NELL1: variants seen among roughly 807,000 people sequenced by gnomAD.
NELL1 encodes protein kinase C-binding protein NELL1.
In NELL1, 76 loss-of-function variants were observed where a neutral mutation model predicts 107.4. The ratio of observed to expected loss-of-function variants is 0.71; its 90% confidence interval spans 0.59 to 0.86. The LOEUF (loss-of-function observed/expected upper bound fraction) is 0.86. Ranked by LOEUF, NELL1 falls within the 40% of genes least tolerant of loss-of-function variation. The probability of loss-of-function intolerance (pLI) is 0.00; values close to 1 mark genes in which losing one functional copy is unlikely to be tolerated. For missense variants in NELL1, 1,024 were observed against 1,005.5 expected (o/e 1.02, Z -0.25); for synonymous variants, 353 against 341.2 (o/e 1.03, Z -0.38).
At chr11:21,490,262 C>A (rs188291664) in intron 15 of NELL1, among the ~76,000 whole-genome samples, 1 of 151,574 alleles carries the variant, frequency 6.6e-6, no homozygotes, top group Admixed American at 6.6e-5. Flanking sequence ...AGGAAAACTG[C>A]GAAACACTGA....
intron 13 of NELL1, among the ~76,000 whole-genome samples, chr11:21,202,532 C>A (rs112447817): frequency 0.08 from 12,158 of 152,074 alleles, 780 homozygotes; most frequent in East Asian, 0.27. Context: ...CTTTATTAGT[C>A]TGGCTAGTGG....
At chr11:20,862,605 CTTTTTTTT>C (rs386373288) in intron 4 of NELL1, among the ~76,000 whole-genome samples, 4 of 94,672 alleles carry the variant, frequency 4.2e-5, no homozygotes, top group East Asian at 7.6e-4. Context: ...TGAGCTGCTG[CTTTTTTTT>C]TTTTTTTTTT....
At chr11:21,021,847 C>T (rs1852709139) in intron 12 of NELL1, among the ~76,000 whole-genome samples, 1 of 152,122 alleles carries the variant, frequency 6.6e-6, no homozygotes, top group African/African-American at 2.4e-5. Context: ...GAACTTGCGT[C>T]CTTGGCAGCA....
chr11:20,707,358 CT>C (rs1854992976), intron 2 of NELL1, among the ~76,000 whole-genome samples: 1 of 152,224 alleles, frequency 6.6e-6, no homozygotes, highest in Non-Finnish European at 1.5e-5. Flanking sequence ...CTGAAGTCTT[CT>C]TCCCTCAACT....
intron 3 of NELL1, among the ~76,000 whole-genome samples, chr11:20,844,650 C>T (rs12284424): frequency 5.3e-5 from 8 of 151,648 alleles, no homozygotes; most frequent in East Asian, 1.9e-4. Context: ...TTGCTCGTAG[C>T]GTCAGACTTC....
chr11:21,026,219 C>T (rs1852810616), intron 12 of NELL1, among the ~76,000 whole-genome samples: 1 of 152,120 alleles, frequency 6.6e-6, no homozygotes, highest in African/African-American at 2.4e-5. Context: ...CCAGTTCACT[C>T]AGTGTAAAAG....
chr11:21,360,149 A>G (rs1464012174), intron 14 of NELL1, among the ~76,000 whole-genome samples: 1 of 152,022 alleles, frequency 6.6e-6, no homozygotes, highest in Non-Finnish European at 1.5e-5. Flanking sequence ...TACTCTTAGC[A>G]TTGCTTTTGC....
chr11:21,524,580 T>G (rs924208027), intron 15 of NELL1, among the ~76,000 whole-genome samples: 5 of 152,044 alleles, frequency 3.3e-5, no homozygotes, highest in African/African-American at 1.2e-4. Context: ...GAATATGGAA[T>G]AGGTGGGTAT....
At chr11:20,945,373 T>A (rs529467009) in intron 10 of NELL1, among the ~76,000 whole-genome samples, 1 of 152,330 alleles carries the variant, frequency 6.6e-6, no homozygotes, top group African/African-American at 2.4e-5. Context: ...TGGCTTTGGG[T>A]CATACGCATG....
At chr11:20,835,283 G>C (rs1439189746) in intron 3 of NELL1, among the ~76,000 whole-genome samples, 1 of 152,146 alleles carries the variant, frequency 6.6e-6, no homozygotes, top group Non-Finnish European at 1.5e-5. Flanking sequence ...CGAGTGACAT[G>C]TAAATTCTTT....
intron 15 of NELL1, among the ~76,000 whole-genome samples, chr11:21,407,102 A>T (rs1175414527): frequency 6.6e-6 from 1 of 152,040 alleles, no homozygotes; most frequent in African/African-American, 2.4e-5. Context: ...CCAATAAATT[A>T]TCTGAATTCT....
intron 14 of NELL1, among the ~76,000 whole-genome samples, chr11:21,359,045 GT>G (rs1851011983): frequency 6.6e-6 from 1 of 152,112 alleles, no homozygotes; most frequent in Non-Finnish European, 1.5e-5. Flanking sequence ...GGGCATTCTT[GT>G]CGTGTTCCAG....
intron 12 of NELL1, among the ~76,000 whole-genome samples, chr11:20,982,092 C>T (rs2134245243): frequency 6.6e-6 from 1 of 152,242 alleles, no homozygotes; most frequent in East Asian, 1.9e-4. Context: ...CCCAGTGGAT[C>T]TAGCAAGTGT....
At chr11:20,881,521 G>A (rs1023552437) in intron 4 of NELL1, among the ~76,000 whole-genome samples, 3 of 152,170 alleles carry the variant, frequency 2.0e-5, no homozygotes, top group Non-Finnish European at 2.9e-5. Flanking sequence ...ACCCACCTGA[G>A]GGTGTTGTTA....
intron 12 of NELL1, among the ~76,000 whole-genome samples, chr11:21,032,046 A>AAAT (rs373787726): frequency 0.18 from 26,641 of 145,352 alleles, 2,512 homozygotes; most frequent in African/African-American, 0.24. Flanking sequence ...CTCCATGTCA[A>AAAT]AATAATAATA....
In NELL1 at chr11:21,166,824, C is replaced by T. The variant is rs112419831; in HGVS notation, c.1426+53110C>T. ...AAACAAATAAAATGCTAGTTGACCA[C>T]TCACTAAATGTAAAAACATGGCCTT... is the stretch of plus-strand genomic sequence containing the variant. On this transcript the variant is annotated intron_variant, in intron 13 of 19. Transcript: ENST00000357134. Among the ~76,000 whole-genome samples, 472 of 151,986 alleles carry T rather than the reference C, an allele frequency of 3.1e-3. 21 individuals are homozygous for T. Among genetic ancestry groups the T allele is most frequent in the African/African-American group, 0.011 (440 of 41,282 alleles).
At chr11:21,488,805 T>C (rs1017970628) in intron 15 of NELL1, among the ~76,000 whole-genome samples, 10 of 151,960 alleles carry the variant, frequency 6.6e-5, no homozygotes, top group African/African-American at 1.9e-4. Context: ...GAGAAAATTA[T>C]ATAGCAATAA....
chr11:21,115,157 T>C (rs768849925), intron 13 of NELL1, among the ~76,000 whole-genome samples: 1 of 151,982 alleles, frequency 6.6e-6, no homozygotes, highest in Non-Finnish European at 1.5e-5. Context: ...GTGGTTTATA[T>C]ATGGAACAAG....
At chr11:21,363,429 C>A (rs541989651) in intron 14 of NELL1, among the ~76,000 whole-genome samples, 1 of 152,186 alleles carries the variant, frequency 6.6e-6, no homozygotes, top group African/African-American at 2.4e-5. Flanking sequence ...CCCCCTTTCA[C>A]ATTTTGGGCA....
Sources: gnomAD v4.1 joint callset for allele counts (sites outside exome capture counted in the v4.1 genomes callset) on GRCh38, gnomAD v4.1.1 for gene constraint, MANE v1.5 for transcripts, NCBI Gene and HGNC (gene_info 2026-07-23, HGNC 2026-07-21) for gene names.